Variants in GPHN observed in about 807,000 individuals in gnomAD.
The protein encoded by GPHN is gephyrin.
Under a neutral mutation model 95.5 loss-of-function variants are expected in GPHN, and 17 were observed. The ratio of observed to expected loss-of-function variants is 0.18; its 90% CI spans 0.12 to 0.27. The LOEUF is 0.27. Among genes scored for constraint, GPHN ranks in the 10% least tolerant of loss-of-function variants. The pLI is 1.00. For synonymous variants in GPHN, 320 were observed against 322.5 expected (o/e 0.99, Z 0.08); for missense variants, 660 against 978.1 (o/e 0.67, Z 4.34).
At chr14:67,134,348 A>G (rs930516182) in intron 17 of GPHN, among the ~76,000 whole-genome samples, 12 of 152,290 alleles carry the variant, frequency 7.9e-5, no homozygotes, top group African/African-American at 2.6e-4. Context: ...CCTCCAAGCA[A>G]TGCCAAATAA....
At chr14:67,360,806 G>T in the GPHN span, 1 of 152,214 alleles carries the variant, frequency 6.6e-6, no homozygotes, top group Non-Finnish European at 1.5e-5. Flanking sequence ...CCCGGCTCAG[G>T]ACGCTGAGCA....
intron 1 of GPHN, among the ~76,000 whole-genome samples, chr14:66,651,148 T>G (rs914321642): frequency 6.6e-6 from 1 of 152,166 alleles, no homozygotes; most frequent in African/African-American, 2.4e-5. Flanking sequence ...GAGATTTCTT[T>G]TAGGAGAATA....
At chr14:67,597,355 G>A in the GPHN span, among the ~76,000 whole-genome samples, 3 of 152,138 alleles carry the variant, frequency 2.0e-5, no homozygotes, top group Admixed American at 6.6e-5. Context: ...GCACATGCCT[G>A]TAGTCCCAGC....
chr14:66,872,354 T>C (rs1295379999), intron 4 of GPHN, among the ~76,000 whole-genome samples: 1 of 152,196 alleles, frequency 6.6e-6, no homozygotes, highest in Non-Finnish European at 1.5e-5. Flanking sequence ...TATTTTTGTA[T>C]TGCTTCCAAC....
chr14:67,116,201 C>T (rs1201974068), intron 16 of GPHN, among the ~76,000 whole-genome samples: 3 of 151,272 alleles, frequency 2.0e-5, no homozygotes, highest in Non-Finnish European at 4.4e-5. Context: ...GAGGCTGAGG[C>T]AGAGGTTACA....
intron 6 of GPHN, among the ~76,000 whole-genome samples, chr14:66,917,593 G>A (rs72730413): frequency 0.024 from 3,683 of 152,184 alleles, 73 homozygotes; most frequent in Non-Finnish European, 0.036. Context: ...TCAGATTGCC[G>A]TTGGTAATAC....
chr14:66,769,063 G>A (rs894448860), intron 2 of GPHN, among the ~76,000 whole-genome samples: 5 of 151,916 alleles, frequency 3.3e-5, no homozygotes, highest in Non-Finnish European at 7.4e-5. Flanking sequence ...ACTTTAATAA[G>A]TATACTGAAG....
At chr14:67,241,281 T>G in the GPHN span, 1 of 152,050 alleles carries the variant, frequency 6.6e-6, no homozygotes, top group African/African-American at 2.4e-5. Context: ...CGGGGGCGCG[T>G]GCGCGGTCTC....
chr14:67,466,029 T>G, the GPHN span, among the ~76,000 whole-genome samples: 1 of 152,226 alleles, frequency 6.6e-6, no homozygotes, highest in Non-Finnish European at 1.5e-5. Flanking sequence ...ATTTGACTTC[T>G]GCCTTCCAGA....
At chr14:66,556,691 C>G (rs895451062) in intron 1 of GPHN, among the ~76,000 whole-genome samples, 2 of 151,852 alleles carry the variant, frequency 1.3e-5, no homozygotes, top group African/African-American at 4.8e-5. Context: ...CATTTAAGAA[C>G]TAGTTTTAAA....
At chr14:67,721,946 C>T in the GPHN span, among the ~76,000 whole-genome samples, 5 of 152,080 alleles carry the variant, frequency 3.3e-5, no homozygotes, top group Non-Finnish European at 7.4e-5. Flanking sequence ...TATGCATGTG[C>T]GTGTGTTAAC....
rs1320399603 is a variant in GPHN at position 67,178,142 on chromosome 14, G to A, written c.2080-1436G>A. The stretch of plus-strand genomic sequence containing the variant: ...GTTATTTTGCCCATTAGTTGATGCA[G>A]TTTCCTCATAGCATCAATGATCTTT... On this transcript the variant is annotated intron_variant, in intron 21 of 22. Transcript: ENST00000478722. Among the ~76,000 whole-genome samples, 3 of 152,172 alleles carry A rather than the reference G, an allele frequency of 2.0e-5. No individual in the cohort carries two copies. The East Asian group carries it at 5.8e-4, about 29-fold the overall frequency.
the GPHN span, among the ~76,000 whole-genome samples, chr14:67,631,681 C>G: frequency 6.6e-6 from 1 of 152,152 alleles, no homozygotes; most frequent in African/African-American, 2.4e-5. Context: ...ATCCTCCTGC[C>G]TTGGCCTTCC....
chr14:67,259,165 A>G, the GPHN span, among the ~76,000 whole-genome samples: 10 of 152,066 alleles, frequency 6.6e-5, no homozygotes, highest in African/African-American at 2.4e-4. Flanking sequence ...TAACATTGTC[A>G]TAAATGGTAC....
chr14:66,795,518 A>G (rs2060122954), intron 3 of GPHN, among the ~76,000 whole-genome samples: 1 of 151,768 alleles, frequency 6.6e-6, no homozygotes, highest in Non-Finnish European at 1.5e-5. Flanking sequence ...AGTAGCTTTT[A>G]TTATTCAGTT....
chr14:67,601,141 T>C, the GPHN span, among the ~76,000 whole-genome samples: 2 of 152,030 alleles, frequency 1.3e-5, no homozygotes, highest in Admixed American at 6.6e-5. Flanking sequence ...ACTGAGGACT[T>C]TACATAGGGC....
At chr14:67,351,372 T>G in the GPHN span, among the ~76,000 whole-genome samples, 1,478 of 152,238 alleles carry the variant, frequency 9.7e-3, 74 homozygotes, top group Admixed American at 0.089. Flanking sequence ...GAAAAAAAAC[T>G]GTAAAGCAAC....
At chr14:67,486,289 G>T in the GPHN span, among the ~76,000 whole-genome samples, 1 of 152,142 alleles carries the variant, frequency 6.6e-6, no homozygotes, top group African/African-American at 2.4e-5. Context: ...GTTTTGTTTT[G>T]TTTTGAGACA....
At chr14:67,691,882 A>G in the GPHN span, 4 of 154,046 alleles carry the variant, frequency 2.6e-5, no homozygotes, top group Admixed American at 1.3e-4. Context: ...CAAACCCATA[A>G]ATATCCTCAT....
Sources: gnomAD v4.1 joint callset for allele counts (sites outside exome capture counted in the v4.1 genomes callset) on GRCh38, gnomAD v4.1.1 for gene constraint, MANE v1.5 for transcripts, NCBI Gene and HGNC (gene_info 2026-07-23, HGNC 2026-07-21) for gene names.